SYNJ2: variants seen among roughly 807,000 people sequenced by gnomAD.
SYNJ2 encodes the protein synaptojanin 2.
SYNJ2 carries 116 observed loss-of-function variants against 141.3 expected under a neutral mutation model. The ratio of observed to expected loss-of-function variants is 0.82; its 90% CI spans 0.71 to 0.96. The LOEUF (loss-of-function observed/expected upper bound fraction) is 0.96. Among genes scored for constraint, SYNJ2 ranks in the 40% least tolerant of loss-of-function variants. SYNJ2 has a pLI of 0.00. For synonymous variants in SYNJ2, 745 were observed against 777.7 expected, an observed-to-expected ratio of 0.96 and a Z score of 0.70; for missense variants, 1,873 against 1,934.8, an observed-to-expected ratio of 0.97 and a Z score of 0.60.
intron 24 of SYNJ2, among the ~76,000 whole-genome samples, 159 bp from the exon 25 acceptor site, chr6:158,089,680 C>G (rs1783304938): frequency 6.6e-6 from 1 of 151,874 alleles, no homozygotes. Flanking sequence ...AGAGAGTGCT[C>G]CAGGAAAGAG....
chr6:158,077,728 A>G (rs1782405057), intron 17 of SYNJ2: 1 of 152,100 alleles, frequency 6.6e-6, no homozygotes, highest in Non-Finnish European at 1.5e-5. Flanking sequence ...GCATCTGTGA[A>G]AAGAAAATAC....
At chr6:158,075,606 A>G (rs1469743382) in intron 16 of SYNJ2, among the ~76,000 whole-genome samples, 3 of 151,398 alleles carry the variant, frequency 2.0e-5, no homozygotes, top group Non-Finnish European at 4.4e-5. Context: ...GCACCACTGC[A>G]CTCCAGCTTG....
rs944868590 is a variant in SYNJ2 at position 158,091,167 on chromosome 6, A to G, written c.3565+1220A>G. On this transcript the variant is annotated intron_variant, in intron 25 of 26. Transcript: ENST00000355585. ...CCCGTCTCTACTAAAAATTCAAAAA[A>G]TTAGCCGGGCGTGATGGTGGGTGAC... 3.3e-5 allele frequency among the ~76,000 whole-genome samples: 5 copies of G among 151,494 alleles called. No individual in the cohort carries two copies. In the East Asian group the frequency reaches 9.9e-4, roughly 30 times the overall value.
At chr6:158,006,083 A>G (rs1778059298) in intron 1 of SYNJ2, among the ~76,000 whole-genome samples, 1 of 152,074 alleles carries the variant, frequency 6.6e-6, no homozygotes, top group Non-Finnish European at 1.5e-5. Context: ...CTCCTGGCTC[A>G]TTTCTGCCAG....
chr6:158,056,700 T>C (rs1362446901), intron 6 of SYNJ2, among the ~76,000 whole-genome samples: 1 of 152,218 alleles, frequency 6.6e-6, no homozygotes. Context: ...TGCTTCCCAA[T>C]TCTCTTCTCT....
chr6:158,091,461 G>T (rs1783443620), intron 25 of SYNJ2, among the ~76,000 whole-genome samples: 1 of 150,422 alleles, frequency 6.6e-6, no homozygotes, highest in African/African-American at 2.4e-5. Flanking sequence ...AAAGAATGGG[G>T]CTGGGTGCTG....
chr6:158,043,443 G>A lies in SYNJ2; in HGVS notation c.795+44G>A, dbSNP rs372931172. 50 of 1,413,622 alleles carry A rather than the reference G, an allele frequency of 3.5e-5. No individual in the cohort carries two copies. The highest frequency in any genetic ancestry group is 2.3e-4 in the Admixed American group (13 of 57,186). 87.6% of individuals were successfully genotyped at this position (1,413,622 alleles called of 1,614,324 possible). A position where few individuals can be genotyped will look rare whatever the true frequency, so the allele number is the denominator to read the frequency against. ...TAAATGTCCCCTTGTGATGTTGTCCGCCCTGCCCTTCCCTTCAATAGCTGG... is the reference window on the plus strand; with the variant it reads ...TAAATGTCCCCTTGTGATGTTGTCCACCCTGCCCTTCCCTTCAATAGCTGG... On this transcript the variant is annotated intron_variant, in intron 5 of 26. Coordinates refer to ENST00000355585, the MANE Select transcript of SYNJ2 (RefSeq NM_003898.4). The surrounding 1 kb of genome is among the most constrained non-coding windows in gnomAD (Gnocchi z 4.0).
chr6:157,988,108 G>C lies in SYNJ2; in HGVS notation c.127+6020G>C, dbSNP rs1349645695. On this transcript the variant is annotated intron_variant, in intron 1 of 26. Transcript: ENST00000355585. Reference sequence around the variant, plus strand: ...GTGTGCTAAGCACATAGTGCAGCCTGCTCAGCCCCCTCCCAGGGCCTCAGG... The same window carrying C: ...GTGTGCTAAGCACATAGTGCAGCCTCCTCAGCCCCCTCCCAGGGCCTCAGG... Among the ~76,000 whole-genome samples the C allele has an allele frequency of 2.0e-5, 3 of 152,244 alleles. No homozygotes were observed. In the East Asian group the frequency reaches 5.8e-4, roughly 29 times the overall value.
chr6:158,053,664 CCCATCCCTCTATCCAGCCAGTCATCCAT>C (rs1329053107), intron 5 of SYNJ2, among the ~76,000 whole-genome samples: 1 of 151,528 alleles, frequency 6.6e-6, no homozygotes. Context: ...CCACCATCCA[CCCATCCCTCTATCCAGCCAGTCATCCAT>C]CCATCCATCC....
intron 2 of SYNJ2, among the ~76,000 whole-genome samples, chr6:158,020,256 TGACTGTGTGACCCCCACCTGCGTGACTCC>T (rs1562329102): frequency 4.5e-4 from 18 of 40,364 alleles, no homozygotes; most frequent in African/African-American, 1.7e-3. Context: ...TGCGTGACTC[TGACTGTGTGACCCCCACCTGCGTGACTCC>T]GACTGTGTGA....
intron 4 of SYNJ2, among the ~76,000 whole-genome samples, chr6:158,034,197 T>C (rs763208706): frequency 4.3e-4 from 66 of 152,252 alleles, no homozygotes; most frequent in Non-Finnish European, 8.5e-4. Flanking sequence ...TATAGCCATC[T>C]GCTTAATTTC....
chr6:157,988,726 G>A (rs1230031364), intron 1 of SYNJ2, among the ~76,000 whole-genome samples: 1 of 152,180 alleles, frequency 6.6e-6, no homozygotes, highest in Admixed American at 6.5e-5. Context: ...GCTCAGACTT[G>A]GGAATTTGAT....
At chr6:158,004,159 G>C (rs910976885) in intron 1 of SYNJ2, among the ~76,000 whole-genome samples, 2 of 151,920 alleles carry the variant, frequency 1.3e-5, no homozygotes, top group African/African-American at 4.8e-5. Flanking sequence ...TGTCAGAGGC[G>C]TATGAACCAG....
intron 26 of SYNJ2, among the ~76,000 whole-genome samples, chr6:158,093,501 T>C (rs1783607405): frequency 6.6e-6 from 1 of 151,896 alleles, no homozygotes; most frequent in African/African-American, 2.4e-5. Context: ...TAGTTCCCTA[T>C]GGACATCCTC....
At chr6:158,016,836 G>C (rs1194087251) in intron 1 of SYNJ2, among the ~76,000 whole-genome samples, 1 of 152,132 alleles carries the variant, frequency 6.6e-6, no homozygotes, top group Non-Finnish European at 1.5e-5. Flanking sequence ...GAGTGAGTGG[G>C]CATCTCCAGG....
At chr6:157,987,999 C>T (rs1029357505) in intron 1 of SYNJ2, among the ~76,000 whole-genome samples, 3 of 152,242 alleles carry the variant, frequency 2.0e-5, no homozygotes, top group African/African-American at 4.8e-5. Flanking sequence ...CCTCTAGCCC[C>T]GGGCAAGAGA....
intron 24 of SYNJ2, among the ~76,000 whole-genome samples, chr6:158,089,206 A>C (rs1356366631): frequency 6.6e-6 from 1 of 152,178 alleles, no homozygotes; most frequent in African/African-American, 2.4e-5. Flanking sequence ...CACTAGGAAG[A>C]CTAACAGCCA....
At chr6:158,087,875 C>CTTTTT (rs749329722) in intron 23 of SYNJ2, among the ~76,000 whole-genome samples, 1 of 94,492 alleles carries the variant, frequency 1.1e-5, no homozygotes, top group Non-Finnish European at 2.2e-5. Flanking sequence ...CAACATACTT[C>CTTTTT]TTTTTTTTTT....
Position 157,982,222 on chromosome 6 carries a change from C to G in SYNJ2, c.127+134C>G. 2 of 1,154,202 alleles carry G rather than the reference C, an allele frequency of 1.7e-6. No homozygotes were observed. The highest frequency in any genetic ancestry group is 6.5e-5 in the East Asian group (2 of 30,814). The allele number at this position is 1,154,202 out of a possible 1,614,324, so 71.5% of individuals were successfully genotyped here. On this transcript the variant is annotated intron_variant, in intron 1 of 26. Coordinates refer to ENST00000355585, the MANE Select transcript of SYNJ2 (RefSeq NM_003898.4). The surrounding 1 kb of genome is among the most constrained non-coding windows in gnomAD (Gnocchi z 4.0). ...ACTGCCGGGGCGTAGGGGTCGCGCG[C>G]AGAGGGGTGGCTGTTTGAATGAAGT...
Sources: allele counts gnomAD v4.1 joint callset (sites outside exome capture counted in the v4.1 genomes callset), GRCh38; gene constraint gnomAD v4.1.1; non-coding constraint Gnocchi (gnomAD v3.1); transcripts MANE v1.5; gene names NCBI Gene and HGNC (gene_info 2026-07-23, HGNC 2026-07-21).